PEAK1: variants seen among roughly 807,000 people sequenced by gnomAD.
PEAK1 encodes inactive tyrosine-protein kinase PEAK1.
PEAK1 carries 54 observed loss-of-function variants against 124.7 expected under a neutral mutation model. The ratio of observed to expected loss-of-function variants is 0.43; its 90% CI spans 0.35 to 0.54. The LOEUF is 0.54. PEAK1 is among the 20% of genes least tolerant of loss of function. The probability of loss-of-function intolerance (pLI) is 0.01; values close to 1 mark genes in which losing one functional copy is unlikely to be tolerated. For missense variants in PEAK1, 2,046 were observed against 2,134.5 expected (o/e 0.96, Z 0.82); for synonymous variants, 719 against 760.0 (o/e 0.95, Z 0.89).
intron 6 of PEAK1, among the ~76,000 whole-genome samples, chr15:77,197,423 CA>C (rs1218955959): frequency 1.3e-5 from 2 of 151,966 alleles, no homozygotes; most frequent in African/African-American, 4.8e-5. Context: ...ATTGAAAGTC[CA>C]AAATAGCAAG....
rs1468910288 is a variant in PEAK1 at position 77,179,337 on chromosome 15, T to C, written c.2590A>G (p.Ser864Gly). 1.5e-5 allele frequency: 24 copies of C among 1,613,776 alleles called. No individual in the cohort carries two copies. Among genetic ancestry groups the C allele is most frequent in the Non-Finnish European group, 2.0e-5 (24 of 1,179,968 alleles). ...SPSKLVTSPQ[S>G]EPPAPFPPPR... is the part of the protein sequence containing the mutation. ...GGGGGAAAGGGAGCTGGTGGCTCAC[T>C]TTGGGGGCTAGTCACTAATTTGGAG... The change falls in exon 7 of 10, where the codon AGT becomes GGT. Residue 864 changes from serine to glycine, a missense_variant. Transcript: ENST00000682557.
chr15:77,348,335 G>A, intron 2 of PEAK1: 1 of 876,222 alleles, frequency 1.1e-6, no homozygotes, highest in Non-Finnish European at 1.4e-6. Context: ...AGATTGATAG[G>A]AATATTAAAT....
At chr15:77,226,044 GATATATAT>G (rs1157824212) in intron 6 of PEAK1, among the ~76,000 whole-genome samples, 728 of 44,940 alleles carry the variant, frequency 0.016, 17 homozygotes, top group African/African-American at 0.042. Context: ...AAAATAAAGG[GATATATAT>G]ATATATATAT....
chr15:77,400,197 A>G (rs763558840), intron 1 of PEAK1, among the ~76,000 whole-genome samples: 1 of 152,132 alleles, frequency 6.6e-6, no homozygotes, highest in Non-Finnish European at 1.5e-5. Context: ...ACCCATGCAC[A>G]TTGTTTGGGG....
chr15:77,301,026 A>AT (rs1259097530), intron 2 of PEAK1, among the ~76,000 whole-genome samples: 1 of 151,788 alleles, frequency 6.6e-6, no homozygotes, highest in Non-Finnish European at 1.5e-5. Context: ...TAATTTTTGT[A>AT]TTTTTTAGTA....
chr15:77,199,423 T>C (rs1001630202), intron 6 of PEAK1, among the ~76,000 whole-genome samples: 9 of 152,120 alleles, frequency 5.9e-5, no homozygotes, highest in African/African-American at 9.7e-5. Context: ...CAAAGTTCCA[T>C]GTGGAAAGGA....
intron 6 of PEAK1, among the ~76,000 whole-genome samples, chr15:77,200,145 C>T (rs569791672): frequency 4.6e-5 from 7 of 152,348 alleles, no homozygotes; most frequent in East Asian, 1.9e-4. Context: ...TCCTCCTCCT[C>T]GGACTACTCA....
intron 9 of PEAK1, among the ~76,000 whole-genome samples, chr15:77,116,026 T>C (rs2051338410): frequency 6.6e-6 from 1 of 152,208 alleles, no homozygotes; most frequent in African/African-American, 2.4e-5. Flanking sequence ...CCTCATTTAA[T>C]ACCCACTATT....
intron 6 of PEAK1, among the ~76,000 whole-genome samples, chr15:77,226,235 A>C (rs1436847834): frequency 6.6e-6 from 1 of 150,598 alleles, no homozygotes; most frequent in Non-Finnish European, 1.5e-5. Context: ...TTCAAGAAAA[A>C]AAAAAAACCC....
chr15:77,162,526 C>A (rs1358818095), intron 7 of PEAK1, among the ~76,000 whole-genome samples: 1 of 147,142 alleles, frequency 6.8e-6, no homozygotes, highest in Non-Finnish European at 1.5e-5. Context: ...AAAGGATTTA[C>A]CATTGATTTG....
At chr15:77,152,722 C>G (rs111373563) in intron 8 of PEAK1, among the ~76,000 whole-genome samples, 2 of 152,088 alleles carry the variant, frequency 1.3e-5, no homozygotes, top group Non-Finnish European at 2.9e-5. Flanking sequence ...TTGTCAAAGG[C>G]CTTTTCTGTA....
intron 5 of PEAK1, among the ~76,000 whole-genome samples, chr15:77,280,759 G>T (rs1396538644): frequency 6.6e-6 from 1 of 152,052 alleles, no homozygotes; most frequent in African/African-American, 2.4e-5. Flanking sequence ...GATCTTTTAT[G>T]AGCTCTAAAC....
In PEAK1 at chr15:77,418,948, T is replaced by A. The variant is rs994059365; in HGVS notation, c.-666+1058A>T. 1.4e-5 allele frequency: 14 copies of A among 985,222 alleles called. No individual in the cohort carries two copies. The African/African-American group carries it at 2.4e-4, about 17-fold the overall frequency. 61.0% of individuals were successfully genotyped at this position (985,222 alleles called of 1,614,324 possible). A position where few individuals can be genotyped will look rare whatever the true frequency, so the allele number is the denominator to read the frequency against. On this transcript the variant is annotated intron_variant, in intron 1 of 9. Transcript: ENST00000682557. ...CGTACATCATCCAATGACCTAAAAA[T>A]AGTCTTTTATGTAAGTCTCTAAGTA...
rs535601825 is a variant in PEAK1, at chr15:77,258,227, T to A, written c.-274-5701A>T. 5.9e-5 allele frequency among the ~76,000 whole-genome samples: 9 copies of A among 152,354 alleles called. No individual in the cohort carries two copies. The East Asian group carries it at 1.7e-3, about 29-fold the overall frequency. ...GCAATGCGGGCTCTTTTTGGTTTCA[T>A]ATGAACTTTAAAGTAGTTTTTTCCA... On this transcript the variant is annotated intron_variant, in intron 5 of 9. Coordinates refer to ENST00000682557, the MANE Select transcript of PEAK1 (RefSeq NM_001385026.1).
intron 7 of PEAK1, among the ~76,000 whole-genome samples, chr15:77,163,905 A>G (rs545572457): frequency 6.6e-6 from 1 of 152,326 alleles, no homozygotes; most frequent in Non-Finnish European, 1.5e-5. Context: ...CATTAGAAAC[A>G]AAACGTCATC....
At chr15:77,336,652 T>A in intron 2 of PEAK1, 1 of 493,240 alleles carries the variant, frequency 2.0e-6, no homozygotes, top group Non-Finnish European at 2.6e-6. Context: ...CAACAACAGA[T>A]CAATCACATT....
chr15:77,402,377 A>G, intron 1 of PEAK1: 1 of 985,356 alleles, frequency 1.0e-6, no homozygotes. Flanking sequence ...TCCTCTTTAA[A>G]TGAGACCAAT....
Position 77,230,783 on chromosome 15 carries a change from T to C in PEAK1, c.-115+21584A>G, listed in dbSNP as rs1318303578. On this transcript the variant is annotated intron_variant, in intron 6 of 9. Coordinates refer to ENST00000682557, the MANE Select transcript of PEAK1 (RefSeq NM_001385026.1). ...AGCAGTTTGAGGTTACAGTGGACTA[T>C]GATTGTACCACTACACTCCAGCCTA... Among the ~76,000 whole-genome samples, 3 of 152,008 alleles carry C rather than the reference T, an allele frequency of 2.0e-5. No homozygotes were observed. In the East Asian group the frequency reaches 5.8e-4, roughly 29 times the overall value.
At chr15:77,260,824 G>A (rs575534956) in intron 5 of PEAK1, among the ~76,000 whole-genome samples, 4 of 152,128 alleles carry the variant, frequency 2.6e-5, no homozygotes, top group East Asian at 1.9e-4. Context: ...AGACTGCCTC[G>A]TCAAGTGGCT....
Sources: allele counts gnomAD v4.1 joint callset (sites outside exome capture counted in the v4.1 genomes callset), GRCh38; gene constraint gnomAD v4.1.1; transcripts MANE v1.5; gene names NCBI Gene and HGNC (gene_info 2026-07-23, HGNC 2026-07-21).